The following ROBO2 variants were observed in gnomAD, a reference collection of about 807,000 sequenced individuals.
ROBO2 encodes the protein roundabout homolog 2.
Under a neutral mutation model 160.8 loss-of-function variants are expected in ROBO2, and 53 were observed. That is an observed-to-expected ratio of 0.33 (90% CI 0.26 to 0.41). ROBO2 has a LOEUF of 0.41. ROBO2 is among the 10% of genes least tolerant of loss of function. ROBO2 has a pLI of 1.00. For missense variants in ROBO2, 1,577 were observed against 1,722.4 expected (o/e 0.92, Z 1.49); for synonymous variants, 664 against 611.7 (o/e 1.09, Z -1.26).
At chr3:76,996,462 A>C (rs2061013608) in intron 2 of ROBO2, among the ~76,000 whole-genome samples, 2 of 152,240 alleles carry the variant, frequency 1.3e-5, no homozygotes, top group South Asian at 4.2e-4. Flanking sequence ...TATGAACTTT[A>C]AAGTAGTTTT....
intron 2 of ROBO2, among the ~76,000 whole-genome samples, chr3:76,128,022 A>G (rs944882092): frequency 6.7e-6 from 1 of 149,766 alleles, no homozygotes; most frequent in Non-Finnish European, 1.5e-5. Context: ...CAGCCTCCTG[A>G]GTAGCTGGGA....
chr3:76,043,620 C>CA (rs56988287), intron 2 of ROBO2, among the ~76,000 whole-genome samples: 4,158 of 38,380 alleles, frequency 0.11, 869 homozygotes, highest in East Asian at 0.25. Flanking sequence ...CTTCATCGTC[C>CA]AAAAAAAAAA....
intron 2 of ROBO2, among the ~76,000 whole-genome samples, chr3:76,749,923 G>T (rs1439925297): frequency 4.6e-5 from 7 of 152,068 alleles, no homozygotes; most frequent in Non-Finnish European, 8.8e-5. Flanking sequence ...CAGGAAAAGA[G>T]GGAATCCTCC....
At chr3:77,121,801 G>A (rs549048488) in intron 2 of ROBO2, among the ~76,000 whole-genome samples, 43 of 152,096 alleles carry the variant, frequency 2.8e-4, no homozygotes, top group Non-Finnish European at 5.9e-4. Flanking sequence ...AATATACTAT[G>A]TTACTCTACA....
chr3:76,835,086 A>G (rs1354647036), intron 2 of ROBO2, among the ~76,000 whole-genome samples: 2 of 152,064 alleles, frequency 1.3e-5, no homozygotes, highest in East Asian at 3.9e-4. Flanking sequence ...ATAAATGAAT[A>G]CTCAACAAGC....
At chr3:76,163,742 C>G (rs923995977) in intron 2 of ROBO2, among the ~76,000 whole-genome samples, 2 of 141,660 alleles carry the variant, frequency 1.4e-5, no homozygotes, top group South Asian at 2.5e-4. Flanking sequence ...AATGCACATA[C>G]CATAATTAGT....
At chr3:77,269,748 A>C (rs12497321) in intron 2 of ROBO2, among the ~76,000 whole-genome samples, 75,704 of 151,944 alleles carry the variant, frequency 0.5, 20,069 homozygotes, top group Middle Eastern at 0.7. Context: ...TGACAACAAG[A>C]AAGGATGAAT....
chr3:77,481,241 T>C (rs1204236516), intron 4 of ROBO2, 22 bp downstream of exon 4: 3 of 1,497,614 alleles, frequency 2.0e-6, no homozygotes, highest in Non-Finnish European at 1.8e-6. Flanking sequence ...TTCTAAATTA[T>C]AAATTTTTAT....
intron 2 of ROBO2, among the ~76,000 whole-genome samples, chr3:76,782,896 C>T (rs2062740123): frequency 6.6e-6 from 1 of 150,706 alleles, no homozygotes; most frequent in Non-Finnish European, 1.5e-5. Context: ...TAAAGACTTA[C>T]TATTGCCATT....
intron 2 of ROBO2, among the ~76,000 whole-genome samples, chr3:76,614,284 C>T (rs2088387049): frequency 6.6e-6 from 1 of 152,042 alleles, no homozygotes; most frequent in Admixed American, 6.6e-5. Flanking sequence ...GACTACCCAC[C>T]TTGTCCTTAA....
chr3:77,384,606 T>C (rs2073906128), intron 2 of ROBO2, among the ~76,000 whole-genome samples: 1 of 152,196 alleles, frequency 6.6e-6, no homozygotes, highest in Admixed American at 6.5e-5. Context: ...TATTAGTCTA[T>C]ATGGCCCTCT....
intron 2 of ROBO2, among the ~76,000 whole-genome samples, chr3:77,366,835 G>T (rs2070953714): frequency 6.6e-6 from 1 of 151,870 alleles, no homozygotes; most frequent in South Asian, 2.1e-4. Flanking sequence ...GGAGGGAGGT[G>T]CCAGGCTCTT....
rs574529093 is a variant in ROBO2 at position 76,058,965 on chromosome 3, C to T, written c.109+121363C>T. ...GTTTCCAGCTTCACCCATGTCCCTA[C>T]AAAGGACATGAACTCATCATTTTTT... On this transcript the variant is annotated intron_variant, in intron 2 of 26. Coordinates refer to the ROBO2 transcript ENST00000487694. Among the ~76,000 whole-genome samples the T allele has an allele frequency of 3.3e-5, 5 of 151,586 alleles. No individual in the cohort carries two copies. In the East Asian group the frequency reaches 9.8e-4, roughly 30 times the overall value.
chr3:77,191,446 G>C (rs1413225091), intron 2 of ROBO2, among the ~76,000 whole-genome samples: 2 of 152,146 alleles, frequency 1.3e-5, no homozygotes, highest in Non-Finnish European at 2.9e-5. Context: ...TGTGGCCTAA[G>C]ACAGATAGGA....
chr3:76,777,551 C>T (rs539322317), intron 2 of ROBO2, among the ~76,000 whole-genome samples: 78 of 150,450 alleles, frequency 5.2e-4, no homozygotes, highest in African/African-American at 1.8e-3. Context: ...AATGTTTTTT[C>T]TTTCTTTTTT....
chr3:76,206,771 G>A (rs931200759), intron 2 of ROBO2, among the ~76,000 whole-genome samples: 1 of 152,248 alleles, frequency 6.6e-6, no homozygotes, highest in South Asian at 2.1e-4. Flanking sequence ...TATAAAAGGG[G>A]ATTCTAATAC....
At position 77,477,498 on chromosome 3, in the gene ROBO2, G is replaced by A. The variant is rs768512674; in HGVS notation, c.473G>A (p.Arg158Gln). 6 of 1,613,474 alleles carry A rather than the reference G, an allele frequency of 3.7e-6. No individual in the cohort carries two copies. The highest frequency in any genetic ancestry group is 1.7e-6 in the Non-Finnish European group (2 of 1,179,750). ...GCAATCCTGGAGTGCCAGCCTCCCC[G>A]GGGACACCCAGAACCCACCATCTAC... Residue 158 changes from arginine to glutamine, a missense_variant, in exon 3 of 26, where the codon CGG (arginine) becomes CAG (glutamine). Arg to Gln is a conservative substitution (Grantham distance 43). This residue lies in a region of ROBO2 where 940 missense variants were observed against 1,135.5 expected (regional missense o/e 0.83). Coordinates refer to ENST00000461745, the Ensembl canonical transcript of ROBO2.
At chr3:76,175,032 A>G (rs1415735511) in intron 2 of ROBO2, among the ~76,000 whole-genome samples, 1 of 151,918 alleles carries the variant, frequency 6.6e-6, no homozygotes, top group Non-Finnish European at 1.5e-5. Flanking sequence ...GTCCTCTTTT[A>G]TTTTATTGAG....
intron 2 of ROBO2, among the ~76,000 whole-genome samples, chr3:76,402,629 G>A (rs964419865): frequency 6.6e-6 from 1 of 151,506 alleles, no homozygotes; most frequent in East Asian, 1.9e-4. Flanking sequence ...GATAAATTCA[G>A]TTGCTTGAGG....
Sources: allele counts gnomAD v4.1 joint callset (sites outside exome capture counted in the v4.1 genomes callset), GRCh38; gene constraint gnomAD v4.1.1; regional missense constraint gnomAD v4.1.1; transcripts MANE v1.5; gene names NCBI Gene and HGNC (gene_info 2026-07-23, HGNC 2026-07-21).